Variants in TBC1D10C observed in about 807,000 individuals in gnomAD.
TBC1D10C encodes carabin.
In TBC1D10C, 49 loss-of-function variants were observed where a neutral mutation model predicts 51.0. The ratio of observed to expected loss-of-function variants is 0.96; its 90% CI spans 0.76 to 1.22. TBC1D10C has a LOEUF of 1.22. Among genes scored for constraint, TBC1D10C ranks in the 50% most tolerant of loss-of-function variants. The pLI, the probability that TBC1D10C is intolerant of heterozygous loss-of-function variation, is 0.00. For synonymous variants in TBC1D10C, 281 were observed against 266.7 expected, an observed-to-expected ratio of 1.05 and a Z score of -0.52; for missense variants, 541 against 617.5, an observed-to-expected ratio of 0.88 and a Z score of 1.31.
rs1377654021 is a variant in TBC1D10C, at chr11:67,405,721, C to A, written c.467+20C>A. ...CCACGGGTACGAGGCCGGTGATGCC[C>A]AGGGACCCCCAGCCCCACAAGCCCC... On this transcript the variant is annotated intron_variant, in intron 4 of 8. Coordinates refer to ENST00000542590, the MANE Select transcript of TBC1D10C (RefSeq NM_001369496.1). The A allele has an allele frequency of 6.2e-7, 1 of 1,612,150 alleles. No individual in the cohort carries two copies. Among genetic ancestry groups the A allele is most frequent in the Admixed American group, 1.7e-5 (1 of 59,980 alleles).
At position 67,409,663 on chromosome 11, in the gene TBC1D10C, A is replaced by G. The variant is rs1424426065; in HGVS notation, c.1250A>G (p.His417Arg). ...CCCCAGACCCGCGGCAAGACTTTCCATGGGCTCCTGACTCGGGCCCGGGGC... is the reference window on the plus strand; with the variant it reads ...CCCCAGACCCGCGGCAAGACTTTCCGTGGGCTCCTGACTCGGGCCCGGGGC... ...RKPQTRGKTF[H>R]GLLTRARGPP... The change falls in exon 9 of 9, where the codon CAT (histidine) becomes CGT (arginine). Residue 417 changes from histidine (H) to arginine (R), a missense_variant. Transcript: ENST00000542590. 5.6e-6 allele frequency: 9 copies of G among 1,603,306 alleles called. No homozygotes were observed. Among genetic ancestry groups the G allele is most frequent in the Non-Finnish European group, 7.6e-6 (9 of 1,178,420 alleles).
Position 67,408,999 on chromosome 11 carries a change from G to A in TBC1D10C, c.859G>A (p.Val287Met), listed in dbSNP as rs1863318492. Reference sequence around the variant, plus strand: ...TGCAGGTGCCAGAGTACTGTTCCGTGTGGGGCTGACACTGGTGCGCCTGGC... The same window carrying A: ...TGCAGGTGCCAGAGTACTGTTCCGTATGGGGCTGACACTGGTGCGCCTGGC... ...LSEGARVLFR[V>M]GLTLVRLALG... The change falls in exon 8 of 9, where the codon GTG (valine) becomes ATG (methionine). Residue 287 changes from valine to methionine, a missense_variant. Physicochemically the swap from Val to Met is conservative, Grantham distance 21 (BLOSUM62 1). Transcript: ENST00000542590. The A allele has an allele frequency of 6.4e-7, 1 of 1,564,180 alleles. No homozygotes were observed. The highest frequency in any genetic ancestry group is 8.6e-7 in the Non-Finnish European group (1 of 1,156,284).
Position 67,409,064 on chromosome 11 carries a change from C to T in TBC1D10C, c.924C>T (p.Leu308=). 1 of 1,602,574 alleles carries T rather than the reference C, an allele frequency of 6.2e-7. No homozygotes were observed. The highest frequency in any genetic ancestry group is 2.3e-5 in the East Asian group (1 of 44,432). The change falls in exon 8 of 9, where the codon CTC becomes CTT. Residue 308 remains leucine, a synonymous_variant. Transcript: ENST00000542590. ...TAEQRGACPG[L]LETLGALRAI... The stretch of plus-strand genomic sequence containing the variant: ...AGCAGCGAGGGGCCTGCCCTGGCCT[C>T]CTGGAGACACTGGGAGCCCTTCGAG...
chr11:67,409,058 T>C lies in TBC1D10C; in HGVS notation c.918T>C (p.Pro306=). The C allele has an allele frequency of 6.3e-7, 1 of 1,599,684 alleles. No homozygotes were observed. The highest frequency in any genetic ancestry group is 8.5e-7 in the Non-Finnish European group (1 of 1,174,790). The part of the protein sequence containing the change: ...LGTAEQRGAC[P]GLLETLGALR... Reference sequence around the variant, plus strand: ...CTGCAGAGCAGCGAGGGGCCTGCCCTGGCCTCCTGGAGACACTGGGAGCCC... The same window carrying C: ...CTGCAGAGCAGCGAGGGGCCTGCCCCGGCCTCCTGGAGACACTGGGAGCCC... The change falls in exon 8 of 9, where the codon CCT becomes CCC. Residue 306 remains proline (P), a synonymous_variant. Transcript: ENST00000542590.
rs370119907 is a variant in TBC1D10C, at chr11:67,406,937, C to G, written c.759C>G (p.Pro253=). 1.2e-6 allele frequency: 2 copies of G among 1,613,036 alleles called. No homozygotes were observed. Among genetic ancestry groups the G allele is most frequent in the Non-Finnish European group, 1.7e-6 (2 of 1,179,978 alleles). ...QVGVGPLLYL[P]EWFLCLFARS... is the part of the protein sequence containing the mutation. Reference sequence around the variant, plus strand: ...GCGTCGGACCCCTGCTGTACCTGCCCGAGTGGTTCCTGTGCCTCTTCGCCC... The same window carrying G: ...GCGTCGGACCCCTGCTGTACCTGCCGGAGTGGTTCCTGTGCCTCTTCGCCC... The change falls in exon 7 of 9, where the codon CCC becomes CCG. Residue 253 remains proline (P), a synonymous_variant. Coordinates refer to ENST00000542590, the MANE Select transcript of TBC1D10C (RefSeq NM_001369496.1).
Position 67,404,193 on chromosome 11 carries a change from C to T in TBC1D10C, c.-10C>T. On this transcript the variant is annotated 5_prime_UTR_variant, in exon 1 of 9. Coordinates refer to ENST00000542590, the MANE Select transcript of TBC1D10C (RefSeq NM_001369496.1). ...TTTCTCTGCCTGTGGCATCGAAGGC[C>T]CCGGGCACCATGGCCCAGGCCCTGG... The T allele has an allele frequency of 6.6e-7, 1 of 1,518,382 alleles. No homozygotes were observed. The highest frequency in any genetic ancestry group is 8.9e-7 in the Non-Finnish European group (1 of 1,129,288). 94.1% of individuals were successfully genotyped at this position (1,518,382 alleles called of 1,614,324 possible).
intron 5 of TBC1D10C, chr11:67,406,321 C>A: frequency 1.9e-6 from 1 of 513,306 alleles, no homozygotes; most frequent in Non-Finnish European, 3.4e-6. Flanking sequence ...ACCCAGAAAC[C>A]CAGGACTTGA....
chr11:67,409,168 C>A, intron 8 of TBC1D10C, 35 bp downstream of exon 8: 3 of 1,553,736 alleles, frequency 1.9e-6, no homozygotes, highest in East Asian at 2.3e-5. Flanking sequence ...ACTTGCCCAG[C>A]CCCTGCTGCA....
intron 1 of TBC1D10C, chr11:67,404,828 G>C (rs1344565983): frequency 2.1e-6 from 1 of 478,494 alleles, no homozygotes; most frequent in Non-Finnish European, 3.8e-6. Context: ...CCCTGTCCTG[G>C]GTGACAGCCA....
At position 67,406,705 on chromosome 11, in the gene TBC1D10C, C is replaced by A. The variant is rs1179447732; in HGVS notation, c.648+13C>A. The stretch of plus-strand genomic sequence containing the variant: ...CGGGCCCCACATGGTGAGAGGCTGA[C>A]ATGGGGGCTGGAGGAAGGAGGGGCA... On this transcript the variant is annotated intron_variant, in intron 6 of 8. Coordinates refer to ENST00000542590, the MANE Select transcript of TBC1D10C (RefSeq NM_001369496.1). 1 of 1,576,224 alleles carries A rather than the reference C, an allele frequency of 6.3e-7. No individual in the cohort carries two copies. Among genetic ancestry groups the A allele is most frequent in the Admixed American group, 1.9e-5 (1 of 53,372 alleles).
chr11:67,406,342 A>G (rs1863162645), intron 5 of TBC1D10C: 1 of 512,844 alleles, frequency 1.9e-6, no homozygotes, highest in Admixed American at 3.6e-5. Context: ...ACTTTGGGAC[A>G]CTCCCAACCC....
chr11:67,406,611 C>T lies in TBC1D10C; in HGVS notation c.583-16C>T, dbSNP rs1210257045. 2.0e-5 allele frequency: 31 copies of T among 1,559,808 alleles called. No individual in the cohort carries two copies. Among genetic ancestry groups the T allele is most frequent in the African/African-American group, 2.7e-5 (2 of 73,420 alleles). ...TTGGTGAGCACTTACAGGCCTGTGCCCTGCCCCTTCCCCAGGAGGCCTTCT... is the reference window on the plus strand; with the variant it reads ...TTGGTGAGCACTTACAGGCCTGTGCTCTGCCCCTTCCCCAGGAGGCCTTCT... On this transcript the variant is annotated splice_polypyrimidine_tract_variant and intron_variant, in intron 5 of 8. Transcript: ENST00000542590.
At chr11:67,406,594 CACTTACAGG>C in intron 5 of TBC1D10C, 24 bp from the exon 6 acceptor site, 1 of 1,538,314 alleles carries the variant, frequency 6.5e-7, no homozygotes, top group East Asian at 2.4e-5. Flanking sequence ...CCTTGGTGAG[CACTTACAGG>C]CCTGTGCCCT....
rs768860542 is a variant in TBC1D10C, at chr11:67,409,776, C to T, written c.*22C>T. ...CTGAGAGGACCATGGACTTAGTGTC[C>T]CCCAGTCTCAATTGCCTGATGGCTG... On this transcript the variant is annotated 3_prime_UTR_variant, in exon 9 of 9. Coordinates refer to ENST00000542590, the MANE Select transcript of TBC1D10C (RefSeq NM_001369496.1). 6.5e-7 allele frequency: 1 copy of T among 1,543,886 alleles called. No individual in the cohort carries two copies.
chr11:67,409,401 C>A lies in TBC1D10C; in HGVS notation c.994-6C>A. ...GGGCAAACGCAGCACCAACTGCTCC[C>A]CACAGGTGCACAGCGTGGTGCTGTC... On this transcript the variant is annotated splice_region_variant and splice_polypyrimidine_tract_variant and intron_variant, in intron 8 of 8. Transcript: ENST00000542590. 1.3e-6 allele frequency: 2 copies of A among 1,547,740 alleles called. No individual in the cohort carries two copies. The highest frequency in any genetic ancestry group is 1.7e-6 in the Non-Finnish European group (2 of 1,145,936).
chr11:67,409,143 C>A lies in TBC1D10C; in HGVS notation c.993+10C>A. 6.3e-7 allele frequency: 1 copy of A among 1,581,060 alleles called. No homozygotes were observed. Among genetic ancestry groups the A allele is most frequent in the Non-Finnish European group, 8.6e-7 (1 of 1,164,988 alleles). On this transcript the variant is annotated intron_variant, in intron 8 of 8. Transcript: ENST00000542590. ...GGCCTTCATGTCACAGGTGGGTACC[C>A]CCACCTCTCCTTGGACTTGCCCAGC...
intron 7 of TBC1D10C, 113 bp from the exon 8 acceptor site, chr11:67,408,866 C>A: frequency 1.5e-6 from 2 of 1,349,512 alleles, no homozygotes; most frequent in Non-Finnish European, 2.0e-6. Context: ...GTTCCTGAAC[C>A]GGGGAGGGCA....
Position 67,406,033 on chromosome 11 carries a change from C to T in TBC1D10C, c.582+16C>T, listed in dbSNP as rs1162745266. The stretch of plus-strand genomic sequence containing the variant: ...GCCCCCAGAGGTGAGTGACCTTGAC[C>T]CTGCTCTGGGAACCCTAGTGACCTA... On this transcript the variant is annotated intron_variant, in intron 5 of 8. Coordinates refer to ENST00000542590, the MANE Select transcript of TBC1D10C (RefSeq NM_001369496.1). The T allele has an allele frequency of 1.1e-5, 17 of 1,539,528 alleles. No individual in the cohort carries two copies. Among genetic ancestry groups the T allele is most frequent in the Non-Finnish European group, 1.4e-5 (16 of 1,145,984 alleles).
At position 67,404,237 on chromosome 11, in the gene TBC1D10C, C is replaced by T; in HGVS notation, c.35C>T (p.Pro12Leu). The T allele has an allele frequency of 6.3e-7, 1 of 1,585,558 alleles. No homozygotes were observed. Among genetic ancestry groups the T allele is most frequent in the South Asian group, 1.1e-5 (1 of 89,906 alleles). Residue 12 changes from proline (P) to leucine (L), a missense_variant, in exon 1 of 9, where the codon CCT becomes CTT. Coordinates refer to ENST00000542590, the MANE Select transcript of TBC1D10C (RefSeq NM_001369496.1). ...GCCCTGGGGGAGGACCTGGTGCAGC[C>T]TCCCGAGCTGCAGGATGACTCCAGC... ...AQALGEDLVQ[P>L]PELQDDSSSL...
Sources: gnomAD v4.1 joint callset for allele counts on GRCh38, gnomAD v4.1.1 for gene constraint, MANE v1.5 for transcripts, NCBI Gene and HGNC (gene_info 2026-07-23, HGNC 2026-07-21) for gene names.